Variants in ABCC5 observed in about 807,000 individuals in gnomAD.
ABCC5 encodes the protein ATP binding cassette subfamily C member 5, also known as ATP-binding cassette sub-family C member 5.
Under a neutral mutation model 160.9 loss-of-function variants are expected in ABCC5, and 61 were observed. The observed-to-expected ratio is 0.38, with a 90% confidence interval of 0.31 to 0.47. ABCC5 has a LOEUF of 0.47. Among genes scored for constraint, ABCC5 ranks in the 20% least tolerant of loss-of-function variants. ABCC5 has a pLI of 0.99. For synonymous variants in ABCC5, 666 were observed against 700.6 expected (o/e 0.95, Z 0.78); for missense variants, 1,308 against 1,813.3 (o/e 0.72, Z 5.06).
intron 17 of ABCC5, among the ~76,000 whole-genome samples, chr3:183,955,413 A>G (rs901037163): frequency 1.5e-4 from 23 of 152,286 alleles, no homozygotes; most frequent in African/African-American, 4.8e-4. Flanking sequence ...AGGGGAGTAT[A>G]ATAAGGCACG....
At chr3:183,958,403 T>C (rs549448961) in intron 17 of ABCC5, among the ~76,000 whole-genome samples, 64 of 152,352 alleles carry the variant, frequency 4.2e-4, no homozygotes, top group Non-Finnish European at 7.8e-4. Flanking sequence ...GGTTAGTGAC[T>C]ATGTACAGAA....
chr3:183,977,001 T>TA (rs747174732), intron 10 of ABCC5, among the ~76,000 whole-genome samples: 18 of 152,244 alleles, frequency 1.2e-4, no homozygotes, highest in Non-Finnish European at 2.2e-4. Flanking sequence ...AGCTGAGACT[T>TA]ACTTAACTGC....
chr3:183,972,830 G>A (rs1044816415), intron 10 of ABCC5, among the ~76,000 whole-genome samples: 1 of 152,024 alleles, frequency 6.6e-6, no homozygotes, highest in Admixed American at 6.6e-5. Context: ...TTTTTTTGTA[G>A]AGATGGGGTT....
chr3:183,963,589 C>A lies in ABCC5; in HGVS notation c.2032-1G>T. The A allele has an allele frequency of 6.2e-7, 1 of 1,613,422 alleles. No homozygotes were observed. Among genetic ancestry groups the A allele is most frequent in the Non-Finnish European group, 8.5e-7 (1 of 1,180,016 alleles). On this transcript the variant is annotated splice_acceptor_variant, in intron 14 of 29. Transcript: ENST00000334444. LOFTEE classifies it high-confidence loss of function. The surrounding 1 kb of genome is among the most constrained non-coding windows in gnomAD (Gnocchi z 4.6). ...TCAGGTTGGCTCCTCGCTCTCCAAT[C>A]TACAAGAGCCCAGAAGTGTGGTGAA...
chr3:183,976,891 C>T (rs116549695), intron 10 of ABCC5, among the ~76,000 whole-genome samples: 391 of 152,192 alleles, frequency 2.6e-3, no homozygotes, highest in African/African-American at 9.3e-3. Context: ...TTCTCTCCAC[C>T]CTCCCAAATA....
chr3:183,980,714 G>GTTTTTTT (rs11364435), intron 8 of ABCC5, among the ~76,000 whole-genome samples: 1 of 136,060 alleles, frequency 7.3e-6, no homozygotes, highest in African/African-American at 2.9e-5. Flanking sequence ...ACACTGTTTT[G>GTTTTTTT]TTTTTTTTTT....
At position 183,951,377 on chromosome 3, in the gene ABCC5, T is replaced by A; in HGVS notation, c.2944+64A>T. On this transcript the variant is annotated intron_variant, in intron 20 of 29. Transcript: ENST00000334444. The surrounding 1 kb of genome is among the most constrained non-coding windows in gnomAD (Gnocchi z 4.7). ...CAGACAGATCTGCACATTTGGAGAATCATCTAGAAGGCTGGAAGCACAGTG... is the reference window on the plus strand; with the variant it reads ...CAGACAGATCTGCACATTTGGAGAAACATCTAGAAGGCTGGAAGCACAGTG... 1 of 1,578,398 alleles carries A rather than the reference T, an allele frequency of 6.3e-7. No homozygotes were observed. Among genetic ancestry groups the A allele is most frequent in the Non-Finnish European group, 8.6e-7 (1 of 1,161,862 alleles).
At chr3:183,978,365 G>T in intron 9 of ABCC5, 138 bp downstream of exon 9, 3 of 938,380 alleles carry the variant, frequency 3.2e-6, no homozygotes, top group Non-Finnish European at 4.7e-6. Flanking sequence ...GTCTTGCTCT[G>T]TCCCCCAGGC....
intron 2 of ABCC5, among the ~76,000 whole-genome samples, chr3:183,992,263 C>G (rs1341553391): frequency 1.3e-5 from 2 of 152,196 alleles, no homozygotes; most frequent in Non-Finnish European, 2.9e-5. Context: ...ATAATCTCAA[C>G]TACTCAGGAG....
At chr3:183,986,750 T>G (rs1719253146) in intron 5 of ABCC5, 1 of 152,182 alleles carries the variant, frequency 6.6e-6, no homozygotes, top group South Asian at 2.1e-4. Context: ...GCTGGCTCTA[T>G]GAAAATGTTT....
chr3:184,011,162 A>G (rs1384261577), intron 2 of ABCC5: 2 of 152,168 alleles, frequency 1.3e-5, no homozygotes, highest in African/African-American at 4.8e-5. Context: ...CCTTTCCTCC[A>G]TCCTCACTTC....
intron 24 of ABCC5, among the ~76,000 whole-genome samples, chr3:183,945,103 T>C (rs1577489476): frequency 6.6e-6 from 1 of 152,348 alleles, no homozygotes. Context: ...GTAAGTTTCC[T>C]GAGGCCTCCC....
intron 2 of ABCC5, among the ~76,000 whole-genome samples, chr3:184,003,477 C>G (rs1012023640): frequency 6.6e-6 from 1 of 152,126 alleles, no homozygotes; most frequent in Non-Finnish European, 1.5e-5. Flanking sequence ...CAGCAAAATT[C>G]TAGAACCCAA....
chr3:183,939,947 G>A (rs1297090213), intron 25 of ABCC5, among the ~76,000 whole-genome samples: 2 of 152,130 alleles, frequency 1.3e-5, no homozygotes, highest in East Asian at 1.9e-4. Context: ...CATGGAGGGC[G>A]CAAACAGCCT....
intron 17 of ABCC5, among the ~76,000 whole-genome samples, chr3:183,956,639 A>T (rs367584010): frequency 2.9e-3 from 272 of 92,272 alleles, no homozygotes; most frequent in Middle Eastern, 0.022. Flanking sequence ...TCCGTGTGTA[A>T]ATCACATCGG....
At chr3:183,990,312 G>A (rs1476848515) in intron 2 of ABCC5, among the ~76,000 whole-genome samples, 1 of 151,924 alleles carries the variant, frequency 6.6e-6, no homozygotes, top group Non-Finnish European at 1.5e-5. Flanking sequence ...TCACCATGTT[G>A]GCCAGGATGG....
chr3:183,973,086 G>A (rs1445298484), intron 10 of ABCC5, among the ~76,000 whole-genome samples: 1 of 128,228 alleles, frequency 7.8e-6, no homozygotes, highest in Non-Finnish European at 1.5e-5. Flanking sequence ...ATGGAGTCTC[G>A]CTGTGTCGCC....
intron 2 of ABCC5, among the ~76,000 whole-genome samples, chr3:184,006,030 C>T (rs772281783): frequency 4.6e-5 from 7 of 151,978 alleles, no homozygotes; most frequent in Non-Finnish European, 8.8e-5. Context: ...AGGAAAGCCG[C>T]GGCAGTCTTG....
intron 12 of ABCC5, chr3:183,967,362 T>C (rs188778644): frequency 6.5e-6 from 2 of 305,878 alleles, no homozygotes; most frequent in Admixed American, 4.2e-5. Flanking sequence ...CAGTGTAGGG[T>C]GTCTGCTCAT....
Sources: gnomAD v4.1 joint callset for allele counts (sites outside exome capture counted in the v4.1 genomes callset) on GRCh38, gnomAD v4.1.1 for gene constraint, Gnocchi (gnomAD v3.1) non-coding constraint, MANE v1.5 for transcripts, NCBI Gene and HGNC (gene_info 2026-07-23, HGNC 2026-07-21) for gene names.